The following LRP12 variants were observed in gnomAD, a reference collection of about 807,000 sequenced individuals.
The protein encoded by LRP12 is low-density lipoprotein receptor-related protein 12.
A neutral mutation model predicts 66.0 loss-of-function variants in LRP12; 14 were observed. The observed-to-expected ratio is 0.21, with a 90% CI of 0.14 to 0.33. The LOEUF is 0.33. Among genes scored for constraint, LRP12 ranks in the 10% least tolerant of loss-of-function variants. The probability of loss-of-function intolerance (pLI) is 1.00; values close to 1 mark genes in which losing one functional copy is unlikely to be tolerated. For synonymous variants in LRP12, 357 were observed against 359.1 expected (o/e 0.99, Z 0.07); for missense variants, 889 against 1,053.4 (o/e 0.84, Z 2.16).
Position 104,588,925 on chromosome 8 carries a change from G to C in LRP12, c.-28C>G. On this transcript the variant is annotated 5_prime_UTR_variant, in exon 1 of 7. Transcript: ENST00000276654. ...CCACAGCAGATGGAGAGAGAGAGGA[G>C]GAGACGGAGGAGGAGGGAGGAGAAG... is the stretch of plus-strand genomic sequence containing the variant. 6.5e-7 allele frequency: 1 copy of C among 1,546,870 alleles called. No homozygotes were observed. Among genetic ancestry groups the C allele is most frequent in the South Asian group, 1.2e-5 (1 of 85,390 alleles).
intron 1 of LRP12, among the ~76,000 whole-genome samples, chr8:104,564,389 A>G (rs1413543074): frequency 6.6e-6 from 1 of 152,154 alleles, no homozygotes; most frequent in Non-Finnish European, 1.5e-5. Flanking sequence ...GAGCACTTTG[A>G]AAAGCAAGGA....
intron 1 of LRP12, chr8:104,566,090 T>C (rs1034865414): frequency 2.8e-5 from 7 of 251,006 alleles, no homozygotes; most frequent in Non-Finnish European, 5.2e-5. Flanking sequence ...ACTGTCATAG[T>C]GGGTGTGCTG....
At chr8:104,547,838 A>C (rs1458832384) in intron 1 of LRP12, among the ~76,000 whole-genome samples, 35 of 121,284 alleles carry the variant, frequency 2.9e-4, no homozygotes. Context: ...ATAATATATA[A>C]TTCTATGTTA....
At chr8:104,548,316 AATATATAAT>A (rs1811652463) in intron 1 of LRP12, among the ~76,000 whole-genome samples, 5 of 22,878 alleles carry the variant, frequency 2.2e-4, no homozygotes, top group Admixed American at 1.9e-3. Context: ...ATATTATATA[AATATATAAT>A]ATATATTATA....
At chr8:104,562,485 A>G (rs1029501295) in intron 1 of LRP12, among the ~76,000 whole-genome samples, 1 of 152,202 alleles carries the variant, frequency 6.6e-6, no homozygotes, top group Non-Finnish European at 1.5e-5. Flanking sequence ...GTCAAATAAT[A>G]CCAACAAACC....
In LRP12 at chr8:104,524,241, C is replaced by CA. The variant is rs57379814; in HGVS notation, c.136+7665dup. ...TGGGTGACAAAGTCAGACCCTGTCT[C>CA]AAAAAAAAAAAAAAAAAAAAAGAAT... On this transcript the variant is annotated intron_variant, in intron 2 of 6. Transcript: ENST00000276654. Among the ~76,000 whole-genome samples, 91 of 96,694 alleles carry CA rather than the reference C, an allele frequency of 9.4e-4. 2 individuals carry two copies. The highest frequency in any genetic ancestry group is 1.2e-3 in the Non-Finnish European group (57 of 48,132). 63.4% of individuals were successfully genotyped at this position (96,694 alleles called of 152,430 possible). A position where few individuals can be genotyped will look rare whatever the true frequency, so the allele number is the denominator to read the frequency against.
At chr8:104,514,667 CTT>C (rs1191696247) in intron 2 of LRP12, among the ~76,000 whole-genome samples, 2 of 151,804 alleles carry the variant, frequency 1.3e-5, no homozygotes, top group African/African-American at 4.8e-5. Flanking sequence ...CAGAGCAAGA[CTT>C]TGTCTCAAAA....
chr8:104,580,513 GA>G (rs1243826373), intron 1 of LRP12, among the ~76,000 whole-genome samples: 1 of 151,386 alleles, frequency 6.6e-6, no homozygotes, highest in Non-Finnish European at 1.5e-5. Context: ...CTGGGCGACA[GA>G]GCAAGACTCC....
intron 2 of LRP12, among the ~76,000 whole-genome samples, chr8:104,519,268 G>A (rs1381283298): frequency 6.6e-6 from 1 of 151,996 alleles, no homozygotes; most frequent in Non-Finnish European, 1.5e-5. Flanking sequence ...AACATTTTGA[G>A]GATGGACAGA....
At chr8:104,495,364 T>A in intron 5 of LRP12, 155 bp from the exon 6 acceptor site, 2 of 695,112 alleles carry the variant, frequency 2.9e-6, no homozygotes, top group Non-Finnish European at 4.6e-6. Flanking sequence ...ATATGTATTA[T>A]CCCTACAGTG....
At chr8:104,530,913 GA>G (rs1026993594) in intron 2 of LRP12, among the ~76,000 whole-genome samples, 4 of 151,862 alleles carry the variant, frequency 2.6e-5, no homozygotes, top group East Asian at 1.9e-4. Flanking sequence ...AACAAACTAT[GA>G]AAAAAAATTG....
intron 1 of LRP12, 74 bp downstream of exon 1, chr8:104,588,745 C>A (rs893011819): frequency 1.7e-5 from 23 of 1,342,090 alleles, no homozygotes; most frequent in Non-Finnish European, 2.3e-5. Context: ...GGGGAACCCC[C>A]GTCCTGGAGG....
intron 1 of LRP12, among the ~76,000 whole-genome samples, chr8:104,557,583 A>G (rs1014664995): frequency 1.3e-5 from 2 of 152,150 alleles, no homozygotes; most frequent in African/African-American, 4.8e-5. Flanking sequence ...AGACCTCTAC[A>G]AGGAAAACTA....
intron 1 of LRP12, among the ~76,000 whole-genome samples, chr8:104,571,309 G>A (rs1334093135): frequency 6.6e-6 from 1 of 152,138 alleles, no homozygotes; most frequent in African/African-American, 2.4e-5. Context: ...CAGCAAGTGA[G>A]TGGTGGGTGA....
At chr8:104,548,280 T>A (rs1415662923) in intron 1 of LRP12, among the ~76,000 whole-genome samples, 13 of 86,890 alleles carry the variant, frequency 1.5e-4, no homozygotes, top group Admixed American at 9.8e-4. Context: ...TATATTATAT[T>A]AATATATCAT....
At position 104,499,476 on chromosome 8, in the gene LRP12, C is replaced by A; in HGVS notation, c.316G>T (p.Asp106Tyr). ...DIQGSRRCNL[D>Y]WLTIETYKNI... ...TTGTATGTTTCTATTGTCAACCAGT[C>A]CAAATTGCACCTTCTGGATCCTTGA... Residue 106 changes from aspartate to tyrosine, a missense_variant, in exon 4 of 7, where the codon GAC (aspartate) becomes TAC (tyrosine). By Grantham distance (160) the Asp-to-Tyr change is radical. Transcript: ENST00000276654. The A allele has an allele frequency of 6.2e-7, 1 of 1,612,390 alleles. No homozygotes were observed. Among genetic ancestry groups the A allele is most frequent in the South Asian group, 1.1e-5 (1 of 90,482 alleles).
chr8:104,496,878 T>G, intron 5 of LRP12, 94 bp downstream of exon 5: 1 of 1,267,330 alleles, frequency 7.9e-7, no homozygotes, highest in Non-Finnish European at 1.0e-6. Flanking sequence ...TAAACTAATA[T>G]AAAACAAAAA....
At chr8:104,514,447 G>A (rs1040877706) in intron 2 of LRP12, among the ~76,000 whole-genome samples, 6 of 151,350 alleles carry the variant, frequency 4.0e-5, no homozygotes, top group Non-Finnish European at 7.4e-5. Flanking sequence ...GGTGACTCAC[G>A]CATGTAATCC....
At chr8:104,555,467 G>A (rs920658536) in intron 1 of LRP12, among the ~76,000 whole-genome samples, 2 of 152,006 alleles carry the variant, frequency 1.3e-5, no homozygotes, top group African/African-American at 2.4e-5. Context: ...CCATGCAAAT[G>A]GAGACCAAAA....
Sources: gnomAD v4.1 joint callset for allele counts (sites outside exome capture counted in the v4.1 genomes callset) on GRCh38, gnomAD v4.1.1 for gene constraint, MANE v1.5 for transcripts, NCBI Gene and HGNC (gene_info 2026-07-23, HGNC 2026-07-21) for gene names.